Variants in RGL1 observed in about 807,000 individuals in gnomAD.
RGL1 encodes the protein ral guanine nucleotide dissociation stimulator-like 1.
RGL1 carries 24 observed loss-of-function variants against 95.2 expected under a neutral mutation model. The observed-to-expected ratio is 0.25, with a 90% CI of 0.18 to 0.35. The LOEUF is 0.35. Ranked by LOEUF, RGL1 falls within the 10% of genes least tolerant of loss-of-function variation. The probability of loss-of-function intolerance (pLI) is 1.00; values close to 1 mark genes in which losing one functional copy is unlikely to be tolerated. For missense variants in RGL1, 715 were observed against 936.3 expected, an observed-to-expected ratio of 0.76 and a Z score of 3.08; for synonymous variants, 329 against 344.9, an observed-to-expected ratio of 0.95 and a Z score of 0.51.
intron 2 of RGL1, among the ~76,000 whole-genome samples, chr1:183,838,512 G>A (rs561865858): frequency 2.0e-5 from 3 of 152,290 alleles, no homozygotes; most frequent in Admixed American, 6.5e-5. Context: ...CTAACAAGTG[G>A]CTTCAAGCAA....
intron 1 of RGL1, among the ~76,000 whole-genome samples, chr1:183,735,615 A>T (rs893020082): frequency 6.6e-6 from 1 of 152,180 alleles, no homozygotes; most frequent in Non-Finnish European, 1.5e-5. Flanking sequence ...GATTCCAAAG[A>T]GGAAGAGATA....
chr1:183,762,419 A>G (rs1286867236), intron 2 of RGL1, among the ~76,000 whole-genome samples: 2 of 152,248 alleles, frequency 1.3e-5, no homozygotes, highest in Non-Finnish European at 2.9e-5. Flanking sequence ...CAGTCAGTGG[A>G]GCAGTGAGAA....
chr1:183,775,323 A>T (rs1659535487), intron 2 of RGL1, among the ~76,000 whole-genome samples: 1 of 152,200 alleles, frequency 6.6e-6, no homozygotes, highest in Admixed American at 6.5e-5. Context: ...GTATATCACC[A>T]CTTAACTTCT....
chr1:183,817,809 C>A (rs922635130), intron 2 of RGL1, among the ~76,000 whole-genome samples: 1 of 152,188 alleles, frequency 6.6e-6, no homozygotes, highest in Non-Finnish European at 1.5e-5. Context: ...TCAAGGCATG[C>A]GTGTAACACT....
At chr1:183,906,933 AACCAGG>A in intron 13 of RGL1, 73 bp from the exon 14 acceptor site, 1 of 828,756 alleles carries the variant, frequency 1.2e-6, no homozygotes, top group Non-Finnish European at 2.1e-6. Flanking sequence ...TCTAAAACAA[AACCAGG>A]ACATCATGTG....
intron 7 of RGL1, among the ~76,000 whole-genome samples, chr1:183,887,188 C>CTTGTT (rs1558272538): frequency 0.017 from 11 of 646 alleles, no homozygotes; most frequent in African/African-American, 0.025. Context: ...TCCTCCCTCC[C>CTTGTT]TCCCTCCTTC....
chr1:183,886,928 C>T (rs1667141224), intron 7 of RGL1, among the ~76,000 whole-genome samples: 1 of 151,954 alleles, frequency 6.6e-6, no homozygotes, highest in Non-Finnish European at 1.5e-5. Flanking sequence ...AGAAATGGGA[C>T]CAGATGCCTT....
In RGL1 at chr1:183,805,981, T is replaced by C. The variant is rs1413120108; in HGVS notation, c.28-394T>C. 2.1e-4 allele frequency among the ~76,000 whole-genome samples: 7 copies of C among 33,492 alleles called. No homozygotes were observed. In the East Asian group the frequency reaches 2.5e-3, roughly 12 times the overall value. The allele number at this position is 33,492 out of a possible 152,430, so 22.0% of individuals were successfully genotyped here. On this transcript the variant is annotated intron_variant, in intron 1 of 17. Transcript: ENST00000360851. ...TTTTTCTTTTCTTTTCTTTTTTTTT[T>C]TTTTTTTTTTTTTTTTTTTTTTTTT...
intron 2 of RGL1, among the ~76,000 whole-genome samples, chr1:183,759,474 G>T (rs992712392): frequency 2.0e-5 from 3 of 152,174 alleles, no homozygotes; most frequent in African/African-American, 4.8e-5. Context: ...CACATCAAAG[G>T]TATGCTCTCT....
intron 1 of RGL1, among the ~76,000 whole-genome samples, chr1:183,727,542 G>A (rs1009826451): frequency 1.3e-5 from 2 of 152,140 alleles, no homozygotes; most frequent in Non-Finnish European, 2.9e-5. Flanking sequence ...CTAAGATCAA[G>A]TAGACAAGGA....
intron 4 of RGL1, among the ~76,000 whole-genome samples, chr1:183,878,548 G>A (rs899260624): frequency 4.6e-5 from 7 of 152,086 alleles, no homozygotes; most frequent in African/African-American, 1.7e-4. Flanking sequence ...AAGCCTAGAA[G>A]GATATATTCT....
At chr1:183,828,215 A>C (rs1558232946) in intron 2 of RGL1, among the ~76,000 whole-genome samples, 1 of 152,212 alleles carries the variant, frequency 6.6e-6, no homozygotes, top group Non-Finnish European at 1.5e-5. Context: ...GACAGTTATA[A>C]TTTCACATAG....
intron 17 of RGL1, among the ~76,000 whole-genome samples, chr1:183,925,484 A>G (rs1186649910): frequency 6.6e-6 from 1 of 152,248 alleles, no homozygotes; most frequent in African/African-American, 2.4e-5. Context: ...AACTTAAAGT[A>G]AAATACTATA....
At chr1:183,877,154 C>T (rs1666541755) in intron 4 of RGL1, among the ~76,000 whole-genome samples, 1 of 152,168 alleles carries the variant, frequency 6.6e-6, no homozygotes, top group African/African-American at 2.4e-5. Context: ...TTCTCCAGGT[C>T]TCCAAGCGTC....
At chr1:183,686,994 C>G (rs886624683) in intron 1 of RGL1, among the ~76,000 whole-genome samples, 1 of 152,172 alleles carries the variant, frequency 6.6e-6, no homozygotes, top group Admixed American at 6.5e-5. Flanking sequence ...TGGTTTTTCT[C>G]TTCTTCAAGC....
chr1:183,802,078 A>C (rs1033764512), upstream of RGL1, among the ~76,000 whole-genome samples: 1 of 152,228 alleles, frequency 6.6e-6, no homozygotes, highest in Non-Finnish European at 1.5e-5. Context: ...TTAAGTCTGC[A>C]ATCCATTTTG....
At chr1:183,799,524 T>C (rs1189852357) in intron 2 of RGL1, among the ~76,000 whole-genome samples, 1 of 152,224 alleles carries the variant, frequency 6.6e-6, no homozygotes, top group Non-Finnish European at 1.5e-5. Context: ...GATATCTCAT[T>C]CTGGTTTTGT....
chr1:183,883,717 TCTGATGA>T (rs1666950479), intron 5 of RGL1, 62 bp from the exon 6 acceptor site: 2 of 1,568,556 alleles, frequency 1.3e-6, no homozygotes, highest in Non-Finnish European at 1.7e-6. Context: ...AGGAGTAAAG[TCTGATGA>T]CTCTATAAGC....
In RGL1 at chr1:183,897,743, C is replaced by T; in HGVS notation, c.1141-65C>T. 2 of 1,234,820 alleles carry T rather than the reference C, an allele frequency of 1.6e-6. 1 individual carries two copies. The allele number at this position is 1,234,820 out of a possible 1,614,324, so 76.5% of individuals were successfully genotyped here. A position where few individuals can be genotyped will look rare whatever the true frequency, so the allele number is the denominator to read the frequency against. On this transcript the variant is annotated intron_variant, in intron 9 of 17. Transcript: ENST00000360851. ...GGGTTGTGTGCGAGAAACTAGATGC[C>T]TCTTTACTTCTTACCATTGTGGCAT... is the stretch of plus-strand genomic sequence containing the variant.
Sources: allele counts gnomAD v4.1 joint callset (sites outside exome capture counted in the v4.1 genomes callset), GRCh38; gene constraint gnomAD v4.1.1; transcripts MANE v1.5; gene names NCBI Gene and HGNC (gene_info 2026-07-23, HGNC 2026-07-21).